The following NSMCE2 variants were observed in gnomAD, a reference collection of about 807,000 sequenced individuals.
NSMCE2 encodes NSE2 SUMO ligase component of SMC5/6 complex, also known as E3 SUMO-protein ligase NSE2.
A neutral mutation model predicts 23.8 loss-of-function variants in NSMCE2; 24 were observed. The ratio of observed to expected loss-of-function variants is 1.01; its 90% CI spans 0.73 to 1.42. The LOEUF (loss-of-function observed/expected upper bound fraction) is 1.42, where lower values mean the gene tolerates loss of function less well. Among genes scored for constraint, NSMCE2 ranks in the 40% most tolerant of loss-of-function variants. The pLI is 0.00. For synonymous variants in NSMCE2, 92 were observed against 94.1 expected (o/e 0.98, Z 0.13); for missense variants, 284 against 296.5 (o/e 0.96, Z 0.31).
intron 5 of NSMCE2, among the ~76,000 whole-genome samples, chr8:125,277,298 G>T (rs1193936360): frequency 6.6e-6 from 1 of 152,006 alleles, no homozygotes; most frequent in African/African-American, 2.4e-5. Context: ...CCTGAGAAAG[G>T]TATCTCCTCC....
At position 125,263,555 on chromosome 8, in the gene NSMCE2, G is replaced by C. The variant is rs1826788353; in HGVS notation, c.418+81299G>C. 2.6e-5 allele frequency among the ~76,000 whole-genome samples: 4 copies of C among 152,214 alleles called. No individual in the cohort carries two copies. In the South Asian group the frequency reaches 8.3e-4, roughly 32 times the overall value. ...ACCTGAGGTCAGGAGTTTGAGACCAGCGTTGCCAACATGGTGAAACCCTGT... is the reference window on the plus strand; with the variant it reads ...ACCTGAGGTCAGGAGTTTGAGACCACCGTTGCCAACATGGTGAAACCCTGT... On this transcript the variant is annotated intron_variant, in intron 5 of 7. Coordinates refer to ENST00000287437, the MANE Select transcript of NSMCE2 (RefSeq NM_173685.4).
intron 4 of NSMCE2, among the ~76,000 whole-genome samples, chr8:125,164,279 C>G (rs1339021857): frequency 6.6e-6 from 1 of 152,170 alleles, no homozygotes; most frequent in Admixed American, 6.6e-5. Context: ...GGGACTTGCG[C>G]AGATCACTTG....
intron 5 of NSMCE2, among the ~76,000 whole-genome samples, chr8:125,325,779 C>A (rs2131282786): frequency 6.6e-6 from 1 of 152,228 alleles, no homozygotes; most frequent in African/African-American, 2.4e-5. Context: ...TGGTGAAACC[C>A]CCACTCTACT....
chr8:125,292,437 C>T (rs4871576), intron 5 of NSMCE2, among the ~76,000 whole-genome samples: 67,860 of 151,382 alleles, frequency 0.45, 18,311 homozygotes, highest in Non-Finnish European at 0.59. Context: ...GCTTGTAATC[C>T]CAGCCACTTG....
At chr8:125,343,947 A>G (rs991448638) in intron 5 of NSMCE2, among the ~76,000 whole-genome samples, 5 of 152,214 alleles carry the variant, frequency 3.3e-5, no homozygotes, top group Non-Finnish European at 5.9e-5. Flanking sequence ...CAGAGCTTGC[A>G]GTGAGCCGAG....
chr8:125,343,133 G>A (rs1388913484), intron 5 of NSMCE2, among the ~76,000 whole-genome samples: 3 of 152,254 alleles, frequency 2.0e-5, no homozygotes, highest in South Asian at 2.1e-4. Context: ...TAATGACAGC[G>A]CTGAGTAAAT....
chr8:125,323,654 A>G (rs79086755), intron 5 of NSMCE2, among the ~76,000 whole-genome samples: 11,641 of 152,318 alleles, frequency 0.076, 489 homozygotes, highest in African/African-American at 0.099. Flanking sequence ...TTTGAACCAT[A>G]TCTCACACCA....
chr8:125,141,609 C>T (rs772125918), intron 3 of NSMCE2, among the ~76,000 whole-genome samples: 3 of 152,160 alleles, frequency 2.0e-5, no homozygotes, highest in Admixed American at 6.6e-5. Context: ...CTCAGTGCTC[C>T]GTGAAGATTT....
intron 4 of NSMCE2, among the ~76,000 whole-genome samples, chr8:125,171,675 T>C (rs1012868686): frequency 2.0e-5 from 3 of 152,228 alleles, no homozygotes; most frequent in Non-Finnish European, 4.4e-5. Context: ...TCATCTCTTC[T>C]ACCAGATTTT....
At chr8:125,184,397 T>C (rs1406443840) in intron 5 of NSMCE2, among the ~76,000 whole-genome samples, 1 of 152,154 alleles carries the variant, frequency 6.6e-6, no homozygotes, top group Admixed American at 6.5e-5. Context: ...AAATGTTTCC[T>C]CAGGCCACCA....
chr8:125,118,729 C>T (rs1270423972), intron 3 of NSMCE2, among the ~76,000 whole-genome samples: 3 of 152,086 alleles, frequency 2.0e-5, no homozygotes, highest in Admixed American at 1.3e-4. Context: ...GAGAACTATA[C>T]GACTATTAAG....
At chr8:125,328,785 GT>G (rs1829770630) in intron 5 of NSMCE2, among the ~76,000 whole-genome samples, 1 of 151,366 alleles carries the variant, frequency 6.6e-6, no homozygotes, top group Non-Finnish European at 1.5e-5. Flanking sequence ...TTTTTTTTCT[GT>G]TTTATTTTTA....
intron 5 of NSMCE2, among the ~76,000 whole-genome samples, chr8:125,258,004 C>T (rs192018829): frequency 6.6e-6 from 1 of 152,144 alleles, no homozygotes; most frequent in African/African-American, 2.4e-5. Flanking sequence ...ACCCAAATAG[C>T]TCATGCCATT....
At chr8:125,124,606 A>C (rs534166474) in intron 3 of NSMCE2, among the ~76,000 whole-genome samples, 1 of 152,072 alleles carries the variant, frequency 6.6e-6, no homozygotes, top group South Asian at 2.1e-4. Context: ...CAGTCTCCTG[A>C]GTAGCTGGGA....
At chr8:125,211,652 G>A (rs1824351824) in intron 5 of NSMCE2, among the ~76,000 whole-genome samples, 1 of 152,254 alleles carries the variant, frequency 6.6e-6, no homozygotes, top group Non-Finnish European at 1.5e-5. Context: ...TTTTTACTAT[G>A]AAAGACAAAC....
At chr8:125,204,660 A>G (rs1446587598) in intron 5 of NSMCE2, among the ~76,000 whole-genome samples, 1 of 152,216 alleles carries the variant, frequency 6.6e-6, no homozygotes, top group Non-Finnish European at 1.5e-5. Context: ...GTTTTACTTT[A>G]CATTTACCAA....
intron 5 of NSMCE2, among the ~76,000 whole-genome samples, chr8:125,341,173 G>C (rs1830230648): frequency 6.6e-6 from 1 of 152,026 alleles, no homozygotes; most frequent in Non-Finnish European, 1.5e-5. Context: ...TTGTCCTTCT[G>C]CGATGCTGCG....
chr8:125,269,023 C>CA (rs1272248976), intron 5 of NSMCE2, among the ~76,000 whole-genome samples: 1 of 152,156 alleles, frequency 6.6e-6, no homozygotes, highest in Non-Finnish European at 1.5e-5. Flanking sequence ...AATATGAACT[C>CA]ATGCATAGCT....
intron 5 of NSMCE2, among the ~76,000 whole-genome samples, chr8:125,191,259 A>G (rs1823331213): frequency 6.6e-6 from 1 of 152,210 alleles, no homozygotes; most frequent in African/African-American, 2.4e-5. Flanking sequence ...GAGATGTAAT[A>G]TAAGTTGCCT....
Sources: allele counts gnomAD v4.1 joint callset (sites outside exome capture counted in the v4.1 genomes callset), GRCh38; gene constraint gnomAD v4.1.1; transcripts MANE v1.5; gene names NCBI Gene and HGNC (gene_info 2026-07-23, HGNC 2026-07-21).